Variants in SMYD4 observed in about 807,000 individuals in gnomAD.
The protein encoded by SMYD4 is protein-lysine N-methyltransferase SMYD4.
Under a neutral mutation model 72.8 loss-of-function variants are expected in SMYD4, and 68 were observed. That is an observed-to-expected ratio of 0.93 (90% CI 0.77 to 1.14). The LOEUF is 1.14. SMYD4 is among the 50% of genes most tolerant of loss of function. SMYD4 has a pLI of 0.00. For synonymous variants in SMYD4, 407 were observed against 388.6 expected (o/e 1.05, Z -0.56); for missense variants, 984 against 1,003.7 (o/e 0.98, Z 0.27).
At chr17:1,798,505 G>A (rs961942237) in intron 5 of SMYD4, among the ~76,000 whole-genome samples, 18 of 152,116 alleles carry the variant, frequency 1.2e-4, no homozygotes, top group African/African-American at 4.3e-4. Context: ...GTTCACACCT[G>A]TAATCCCAGC....
At chr17:1,797,670 T>A (rs571369540) in intron 5 of SMYD4, among the ~76,000 whole-genome samples, 1 of 152,094 alleles carries the variant, frequency 6.6e-6, no homozygotes, top group Non-Finnish European at 1.5e-5. Context: ...TATCTCTCAA[T>A]TGGAAAGAGA....
intron 4 of SMYD4, 70 bp downstream of exon 4, chr17:1,804,556 T>TG: frequency 2.3e-6 from 3 of 1,314,802 alleles, no homozygotes; most frequent in Non-Finnish European, 3.3e-6. Flanking sequence ...GAAGCAGAGA[T>TG]GAAGGTCTAG....
At chr17:1,787,646 T>C (rs543344910) in intron 5 of SMYD4, 42 bp from the exon 6 acceptor site, 7 of 1,520,940 alleles carry the variant, frequency 4.6e-6, no homozygotes, top group Admixed American at 2.0e-5. Flanking sequence ...TGTCAGCACA[T>C]GAGCCCTGGC....
chr17:1,785,962 G>A (rs1227758507), intron 7 of SMYD4, among the ~76,000 whole-genome samples: 7 of 152,170 alleles, frequency 4.6e-5, no homozygotes, highest in Non-Finnish European at 7.3e-5. Flanking sequence ...TTCAAAGGCC[G>A]ATATCTATTT....
At chr17:1,823,095 G>C (rs1910972650) in intron 2 of SMYD4, among the ~76,000 whole-genome samples, 1 of 151,766 alleles carries the variant, frequency 6.6e-6, no homozygotes, top group Non-Finnish European at 1.5e-5. Context: ...AGCTGGCCGG[G>C]CACGGTGGCT....
At chr17:1,782,735 A>T in intron 10 of SMYD4, 1 of 226,020 alleles carries the variant, frequency 4.4e-6, no homozygotes, top group Non-Finnish European at 8.6e-6. Flanking sequence ...TTGAGATCTA[A>T]AAGCTTTCCC....
chr17:1,817,235 ACCATGTTGG>A (rs1216442902), intron 2 of SMYD4, among the ~76,000 whole-genome samples: 2 of 151,998 alleles, frequency 1.3e-5, no homozygotes, highest in Non-Finnish European at 2.9e-5. Flanking sequence ...ACAGGGTTTC[ACCATGTTGG>A]CCAGGCTGGT....
chr17:1,800,332 C>A lies in SMYD4; in HGVS notation c.1062G>T (p.Leu354Phe). 1.2e-6 allele frequency: 2 copies of A among 1,614,140 alleles called. No individual in the cohort carries two copies. Among genetic ancestry groups the A allele is most frequent in the Non-Finnish European group, 1.7e-6 (2 of 1,180,038 alleles). ...LGVFCHIALR[L>F]TLLVGFEDVR... ...CATCCTCAAATCCCACCAAAAGAGTCAACCTCAGGGCAATGTGGCAAAAGA... is the reference window on the plus strand; with the variant it reads ...CATCCTCAAATCCCACCAAAAGAGTAAACCTCAGGGCAATGTGGCAAAAGA... Residue 354 changes from leucine to phenylalanine, a missense_variant, in exon 5 of 11, where the codon TTG becomes TTT. Transcript: ENST00000305513.
chr17:1,788,497 G>T (rs368060300), intron 5 of SMYD4, among the ~76,000 whole-genome samples: 35 of 152,110 alleles, frequency 2.3e-4, no homozygotes, highest in African/African-American at 7.5e-4. Flanking sequence ...TGTAATCCCA[G>T]TACTTTGGGA....
At chr17:1,816,133 T>G (rs1910580483) in intron 2 of SMYD4, among the ~76,000 whole-genome samples, 1 of 152,150 alleles carries the variant, frequency 6.6e-6, no homozygotes, top group Non-Finnish European at 1.5e-5. Flanking sequence ...CCATAACTCC[T>G]CATTCCTCCC....
At position 1,783,036 on chromosome 17, in the gene SMYD4, C is replaced by G; in HGVS notation, c.2260G>C (p.Gly754Arg). The part of the protein sequence containing the change: ...LFKLAQIFFN[G>R]FAVPEALSTI... ...CTGTGAAGTGGGAAAGGGACTCACC[C>G]GTTGAAAAAGATCTGGGCCAATTTG... is the stretch of plus-strand genomic sequence containing the variant. Residue 754 changes from glycine (G) to arginine (R), a missense_variant and splice_region_variant, in exon 10 of 11, where the codon GGG (glycine) becomes CGG (arginine). Gly to Arg is a moderately radical substitution (Grantham distance 125). Coordinates refer to ENST00000305513, the MANE Select transcript of SMYD4 (RefSeq NM_052928.3). 1 of 1,613,780 alleles carries G rather than the reference C, an allele frequency of 6.2e-7. No individual in the cohort carries two copies. The highest frequency in any genetic ancestry group is 1.1e-5 in the South Asian group (1 of 91,062).
At chr17:1,794,105 A>ATATATATATTTTTTTT (rs1291818005) in intron 5 of SMYD4, among the ~76,000 whole-genome samples, 1 of 12,992 alleles carries the variant, frequency 7.7e-5, no homozygotes. Flanking sequence ...ATATATATAT[A>ATATATATATTTTTTTT]TTTTTTTTTT....
intron 2 of SMYD4, among the ~76,000 whole-genome samples, chr17:1,827,386 G>T (rs138936401): frequency 6.6e-6 from 1 of 150,834 alleles, no homozygotes; most frequent in African/African-American, 2.4e-5. Flanking sequence ...ATACAAACAC[G>T]GTCCCTTCCC....
intron 2 of SMYD4, among the ~76,000 whole-genome samples, chr17:1,821,752 G>A (rs1910901269): frequency 6.6e-6 from 1 of 152,124 alleles, no homozygotes; most frequent in Non-Finnish European, 1.5e-5. Flanking sequence ...CCAACATGGT[G>A]AAACCCCATC....
intron 10 of SMYD4, 110 bp from the exon 11 acceptor site, chr17:1,781,549 A>T (rs1160630805): frequency 2.3e-6 from 3 of 1,289,192 alleles, no homozygotes; most frequent in Non-Finnish European, 3.2e-6. Flanking sequence ...GTCATCAAGG[A>T]TCCTACAATC....
rs1351779254 is a variant in SMYD4, at chr17:1,800,429, C to T, written c.965G>A (p.Cys322Tyr). 1.9e-6 allele frequency: 3 copies of T among 1,614,216 alleles called. No homozygotes were observed. The highest frequency in any genetic ancestry group is 2.5e-6 in the Non-Finnish European group (3 of 1,180,050). Residue 322 changes from cysteine (C) to tyrosine (Y), a missense_variant, in exon 5 of 11, where the codon TGT becomes TAT. Transcript: ENST00000305513. The part of the protein sequence containing the change: ...CSYAKYCSQE[C>Y]LQQAWELYHR... ...GTAGAGCTCCCAGGCCTGCTGCAAA[C>T]ACTCCTGGCTGCAATACTTGGCATA... is the stretch of plus-strand genomic sequence containing the variant.
chr17:1,799,782 T>A (rs1002791571), intron 5 of SMYD4, 75 bp downstream of exon 5: 36 of 1,386,958 alleles, frequency 2.6e-5, no homozygotes, highest in Non-Finnish European at 5.8e-6. Flanking sequence ...TATTTTCCTT[T>A]GGAATTGTTT....
intron 4 of SMYD4, among the ~76,000 whole-genome samples, chr17:1,801,743 G>A (rs1487547909): frequency 6.6e-6 from 1 of 150,856 alleles, no homozygotes; most frequent in Admixed American, 6.6e-5. Context: ...TTAGGAGGCC[G>A]AGGCGAGCAG....
At chr17:1,805,343 G>C (rs139313692) in intron 3 of SMYD4, among the ~76,000 whole-genome samples, 2 of 152,016 alleles carry the variant, frequency 1.3e-5, no homozygotes, top group African/African-American at 4.8e-5. Context: ...GCTTGAACCT[G>C]GGAGGTGGAG....
Sources: gnomAD v4.1 joint callset for allele counts (sites outside exome capture counted in the v4.1 genomes callset) on GRCh38, gnomAD v4.1.1 for gene constraint, MANE v1.5 for transcripts, NCBI Gene and HGNC (gene_info 2026-07-23, HGNC 2026-07-21) for gene names.